GRM7: variants seen among roughly 807,000 people sequenced by gnomAD.
The protein encoded by GRM7 is glutamate metabotropic receptor 7, also known as metabotropic glutamate receptor 7.
In GRM7, 35 loss-of-function variants were observed where a neutral mutation model predicts 84.5. The ratio of observed to expected loss-of-function variants is 0.41; its 90% CI spans 0.32 to 0.55. The LOEUF (loss-of-function observed/expected upper bound fraction) is 0.55. Ranked by LOEUF, GRM7 falls within the 20% of genes least tolerant of loss-of-function variation. The probability of loss-of-function intolerance (pLI) is 0.19; values close to 1 mark genes in which losing one functional copy is unlikely to be tolerated. For missense variants in GRM7, 1,003 were observed against 1,194.6 expected, an observed-to-expected ratio of 0.84 and a Z score of 2.36; for synonymous variants, 487 against 455.1, an observed-to-expected ratio of 1.07 and a Z score of -0.89.
chr3:7,059,306 C>T (rs1478801154), intron 1 of GRM7, among the ~76,000 whole-genome samples: 1 of 151,674 alleles, frequency 6.6e-6, no homozygotes, highest in Non-Finnish European at 1.5e-5. Flanking sequence ...TATCAATGAA[C>T]CACATCTAAA....
At chr3:7,569,164 G>A (rs1246571583) in intron 7 of GRM7, among the ~76,000 whole-genome samples, 1 of 152,178 alleles carries the variant, frequency 6.6e-6, no homozygotes, top group East Asian at 1.9e-4. Context: ...ACACCAATCA[G>A]TACCCTGTGT....
intron 8 of GRM7, chr3:7,606,976 C>T (rs2125075665): frequency 6.6e-6 from 1 of 152,248 alleles, no homozygotes; most frequent in East Asian, 1.9e-4. Flanking sequence ...AGATATTAGT[C>T]AGTAAACAAA....
chr3:7,316,763 G>A (rs745418856), intron 4 of GRM7, among the ~76,000 whole-genome samples: 2 of 151,998 alleles, frequency 1.3e-5, no homozygotes, highest in Non-Finnish European at 1.5e-5. Flanking sequence ...TCTGAAGGTA[G>A]GCAATTGCAA....
intron 2 of GRM7, among the ~76,000 whole-genome samples, chr3:7,199,321 C>T (rs1473388122): frequency 6.6e-6 from 1 of 152,166 alleles, no homozygotes; most frequent in Non-Finnish European, 1.5e-5. Context: ...TGAGTGAGGC[C>T]TTCATGGGCC....
chr3:7,712,822 A>G (rs1472972125), intron 9 of GRM7, among the ~76,000 whole-genome samples: 1 of 152,152 alleles, frequency 6.6e-6, no homozygotes, highest in African/African-American at 2.4e-5. Flanking sequence ...CAGCAGGGCC[A>G]TGCCTCCTCT....
chr3:7,368,281 T>TA (rs1438471274), intron 4 of GRM7, among the ~76,000 whole-genome samples: 2 of 152,048 alleles, frequency 1.3e-5, no homozygotes, highest in African/African-American at 2.4e-5. Context: ...TGAAGGCAAT[T>TA]TTAAAAACTG....
At chr3:7,499,601 T>G (rs993658565) in intron 7 of GRM7, among the ~76,000 whole-genome samples, 1 of 152,124 alleles carries the variant, frequency 6.6e-6, no homozygotes, top group African/African-American at 2.4e-5. Flanking sequence ...TATTTTCAGA[T>G]GAGGAAACTG....
At chr3:6,875,285 A>G (rs2124950236) in intron 1 of GRM7, among the ~76,000 whole-genome samples, 1 of 151,286 alleles carries the variant, frequency 6.6e-6, no homozygotes, top group Middle Eastern at 3.4e-3. Flanking sequence ...AAGCCTGATG[A>G]TATGGTTTGG....
chr3:7,265,052 T>C (rs1177654001), intron 2 of GRM7, among the ~76,000 whole-genome samples: 1 of 152,254 alleles, frequency 6.6e-6, no homozygotes, highest in African/African-American at 2.4e-5. Flanking sequence ...GTACACCCCT[T>C]AGCAGGCACA....
intron 1 of GRM7, among the ~76,000 whole-genome samples, chr3:7,029,803 C>T (rs1255395756): frequency 2.6e-5 from 4 of 152,098 alleles, no homozygotes; most frequent in African/African-American, 7.2e-5. Context: ...GTTACGCAAT[C>T]GTGCTAACAT....
chr3:7,540,917 T>G (rs1185099244), intron 7 of GRM7, among the ~76,000 whole-genome samples: 1 of 152,180 alleles, frequency 6.6e-6, no homozygotes, highest in East Asian at 1.9e-4. Context: ...TAGATGAATC[T>G]TTAAAACATA....
chr3:7,097,247 G>A (rs1698888994), intron 1 of GRM7, among the ~76,000 whole-genome samples: 1 of 152,044 alleles, frequency 6.6e-6, no homozygotes, highest in Non-Finnish European at 1.5e-5. Context: ...TGAATATTGT[G>A]CCTACACATA....
intron 8 of GRM7, among the ~76,000 whole-genome samples, chr3:7,610,867 G>A (rs559799111): frequency 3.4e-4 from 52 of 152,270 alleles, no homozygotes; most frequent in African/African-American, 1.2e-3. Flanking sequence ...TGTGGTTAGC[G>A]AAAACATTAC....
At chr3:7,413,647 A>C (rs17047286) in intron 4 of GRM7, among the ~76,000 whole-genome samples, 1 of 152,088 alleles carries the variant, frequency 6.6e-6, no homozygotes, top group East Asian at 1.9e-4. Flanking sequence ...ACCTGAACAC[A>C]TGATTGTTTT....
At chr3:7,630,252 G>T (rs1697806421) in intron 8 of GRM7, among the ~76,000 whole-genome samples, 1 of 152,154 alleles carries the variant, frequency 6.6e-6, no homozygotes, top group African/African-American at 2.4e-5. Context: ...CAGACTACAG[G>T]ATAGAAGAAG....
chr3:6,877,862 C>G (rs941947318), intron 1 of GRM7, among the ~76,000 whole-genome samples: 1 of 149,646 alleles, frequency 6.7e-6, no homozygotes, highest in Non-Finnish European at 1.5e-5. Flanking sequence ...CATATGACTT[C>G]TGCTAGTAAA....
chr3:7,440,304 A>G (rs1036455366), intron 5 of GRM7, among the ~76,000 whole-genome samples: 2 of 152,284 alleles, frequency 1.3e-5, no homozygotes, highest in East Asian at 3.9e-4. Context: ...TATTTTGGTA[A>G]TTTATTTCTG....
intron 1 of GRM7, among the ~76,000 whole-genome samples, chr3:6,881,921 T>TGTGTGTGTGTGTG (rs1695526457): frequency 1.4e-5 from 2 of 144,612 alleles, no homozygotes; most frequent in African/African-American, 5.1e-5. Flanking sequence ...GGCAATTGAA[T>TGTGTGTGTGTGTG]TGTGTGTGTG....
Position 6,861,652 on chromosome 3 carries a change from G to C in GRM7, c.264G>C (p.Gln88His). The C allele has an allele frequency of 6.2e-7, 1 of 1,613,948 alleles. No individual in the cohort carries two copies. The highest frequency in any genetic ancestry group is 8.5e-7 in the Non-Finnish European group (1 of 1,179,962). ...AAGCGATGCTCTACGCCCTGGACCA[G>C]ATCAACAGTGATCCCAACCTACTGC... ...RLEAMLYALD[Q>H]INSDPNLLPN... The change falls in exon 1 of 10, where the codon CAG becomes CAC. Residue 88 changes from glutamine to histidine, a missense_variant. Gln to His is a conservative substitution (Grantham distance 24, BLOSUM62 0). This residue lies in a region of GRM7 where 910 missense variants were observed against 1,126.0 expected (regional missense o/e 0.81). Coordinates refer to ENST00000357716, the MANE Select transcript of GRM7 (RefSeq NM_000844.4). The surrounding 1 kb of genome is among the most constrained non-coding windows in gnomAD (Gnocchi z 6.4).
Sources: gnomAD v4.1 joint callset for allele counts (sites outside exome capture counted in the v4.1 genomes callset) on GRCh38, gnomAD v4.1.1 for gene constraint, gnomAD v4.1.1 regional missense constraint, Gnocchi (gnomAD v3.1) non-coding constraint, MANE v1.5 for transcripts, NCBI Gene and HGNC (gene_info 2026-07-23, HGNC 2026-07-21) for gene names.